Variants in CDH13 observed in about 807,000 individuals in gnomAD.
The protein encoded by CDH13 is cadherin 13, also known as cadherin-13.
A neutral mutation model predicts 63.8 loss-of-function variants in CDH13; 24 were observed. That is an observed-to-expected ratio of 0.38 (90% confidence interval 0.27 to 0.53). The LOEUF (loss-of-function observed/expected upper bound fraction) is 0.53. Ranked by LOEUF, CDH13 falls within the 20% of genes least tolerant of loss-of-function variation. The pLI, the probability that CDH13 is intolerant of heterozygous loss-of-function variation, is 0.85. For synonymous variants in CDH13, 503 were observed against 355.3 expected, an observed-to-expected ratio of 1.42 and a Z score of -4.67; for missense variants, 1,049 against 903.1, an observed-to-expected ratio of 1.16 and a Z score of -2.07.
intron 6 of CDH13, among the ~76,000 whole-genome samples, chr16:83,392,024 C>T (rs2091797195): frequency 6.6e-6 from 1 of 152,164 alleles, no homozygotes; most frequent in African/African-American, 2.4e-5. Context: ...GGGTGTCTAA[C>T]ACCTAATTGT....
chr16:83,178,596 T>C (rs1484610056), intron 4 of CDH13, among the ~76,000 whole-genome samples: 1 of 152,254 alleles, frequency 6.6e-6, no homozygotes, highest in East Asian at 1.9e-4. Flanking sequence ...TTTCCATTTT[T>C]AAAAATGATC....
chr16:83,404,545 T>A (rs935966072), intron 6 of CDH13, among the ~76,000 whole-genome samples: 4 of 152,250 alleles, frequency 2.6e-5, no homozygotes, highest in Non-Finnish European at 4.4e-5. Flanking sequence ...TATTGCTGTA[T>A]TGAATGTATC....
intron 1 of CDH13, among the ~76,000 whole-genome samples, chr16:82,793,928 G>C (rs1363731571): frequency 6.6e-6 from 1 of 152,160 alleles, no homozygotes; most frequent in East Asian, 1.9e-4. Flanking sequence ...AAGTGAGACA[G>C]TGGATCAGGA....
At chr16:83,247,290 T>C (rs1175836497) in intron 5 of CDH13, among the ~76,000 whole-genome samples, 1 of 152,152 alleles carries the variant, frequency 6.6e-6, no homozygotes, top group African/African-American at 2.4e-5. Flanking sequence ...GCACCAGACA[T>C]AATTTACATG....
chr16:83,692,663 T>C (rs778929667), intron 10 of CDH13, among the ~76,000 whole-genome samples: 6 of 152,214 alleles, frequency 3.9e-5, no homozygotes, highest in Non-Finnish European at 5.9e-5. Context: ...GTTTTCCTTA[T>C]GGAAGCAAAG....
intron 6 of CDH13, among the ~76,000 whole-genome samples, chr16:83,470,258 T>C (rs2073420825): frequency 1.3e-5 from 2 of 152,212 alleles, no homozygotes; most frequent in Admixed American, 6.5e-5. Context: ...TGTCTCACCA[T>C]GTTGCCCAGG....
chr16:83,276,890 A>G (rs935084745), intron 5 of CDH13, among the ~76,000 whole-genome samples: 3 of 152,120 alleles, frequency 2.0e-5, no homozygotes, highest in Non-Finnish European at 4.4e-5. Flanking sequence ...AAACAAAAGC[A>G]TGTCACATCT....
chr16:83,352,997 C>T (rs2090987276), intron 6 of CDH13, among the ~76,000 whole-genome samples: 1 of 152,184 alleles, frequency 6.6e-6, no homozygotes, highest in Non-Finnish European at 1.5e-5. Context: ...CATGCTCTCA[C>T]TTATAAGTCA....
At position 82,627,004 on chromosome 16, in the gene CDH13, C is replaced by G. The variant is rs1907347168; in HGVS notation, c.-89C>G. The G allele has an allele frequency of 2.1e-6, 3 of 1,455,964 alleles. No individual in the cohort carries two copies. Among genetic ancestry groups the G allele is most frequent in the Non-Finnish European group, 2.8e-6 (3 of 1,059,818 alleles). 90.2% of individuals were successfully genotyped at this position (1,455,964 alleles called of 1,614,324 possible). On this transcript the variant is annotated 5_prime_UTR_variant, in exon 1 of 14. Transcript: ENST00000567109. The stretch of plus-strand genomic sequence containing the variant: ...TTGGCTGGCTGGCGAGGCAGAGCCT[C>G]TCCTCAAAGCCTGGCTCCCACGGAA...
chr16:82,691,848 C>T lies in CDH13; in HGVS notation c.45+64711C>T, dbSNP rs554024557. On this transcript the variant is annotated intron_variant, in intron 1 of 13. Coordinates refer to ENST00000567109, the MANE Select transcript of CDH13 (RefSeq NM_001257.5). ...GATGCTGGACTAGCAGCAGCAATAT[C>T]ACCTGAGAACTTGCTGGAAATGCAA... is the stretch of plus-strand genomic sequence containing the variant. Among the ~76,000 whole-genome samples the T allele has an allele frequency of 5.1e-4, 77 of 152,138 alleles. 1 individual carries two copies. Among genetic ancestry groups the T allele is most frequent in the Non-Finnish European group, 9.1e-4 (62 of 68,026 alleles).
chr16:83,324,287 G>A (rs534175806), intron 5 of CDH13, among the ~76,000 whole-genome samples: 23 of 152,058 alleles, frequency 1.5e-4, no homozygotes, highest in Non-Finnish European at 1.9e-4. Context: ...CACCCGCCTC[G>A]GCCTTGCAAA....
intron 4 of CDH13, among the ~76,000 whole-genome samples, chr16:83,174,705 G>A (rs1020062865): frequency 6.6e-6 from 1 of 152,032 alleles, no homozygotes. Flanking sequence ...AGACATACCT[G>A]AGATTAGGTA....
At chr16:82,943,496 G>T (rs770279898) in intron 2 of CDH13, among the ~76,000 whole-genome samples, 4 of 152,082 alleles carry the variant, frequency 2.6e-5, no homozygotes, top group Non-Finnish European at 5.9e-5. Flanking sequence ...GTGATTATTC[G>T]CATAAGACCC....
intron 3 of CDH13, among the ~76,000 whole-genome samples, chr16:83,119,223 C>A (rs1222686591): frequency 1.3e-5 from 2 of 152,160 alleles, no homozygotes; most frequent in African/African-American, 4.8e-5. Context: ...CTTTCTGTGG[C>A]CTTTGCTGAA....
At chr16:82,651,821 C>T (rs1177064816) in intron 1 of CDH13, among the ~76,000 whole-genome samples, 1 of 152,196 alleles carries the variant, frequency 6.6e-6, no homozygotes, top group African/African-American at 2.4e-5. Context: ...TCCAGTGGGA[C>T]AGCAAGAAGG....
intron 5 of CDH13, among the ~76,000 whole-genome samples, chr16:83,318,571 C>G (rs1172121945): frequency 6.6e-6 from 1 of 152,122 alleles, no homozygotes; most frequent in Non-Finnish European, 1.5e-5. Context: ...CAAAATTGGC[C>G]TAGGACATCT....
At chr16:82,659,396 G>A (rs758121451) in intron 1 of CDH13, among the ~76,000 whole-genome samples, 2 of 152,180 alleles carry the variant, frequency 1.3e-5, no homozygotes, top group South Asian at 2.1e-4. Flanking sequence ...GCAAGGCTAC[G>A]GAAGCACGGG....
At chr16:83,022,513 T>TAAAA (rs1327600445) in intron 2 of CDH13, among the ~76,000 whole-genome samples, 1 of 152,126 alleles carries the variant, frequency 6.6e-6, no homozygotes, top group African/African-American at 2.4e-5. Flanking sequence ...GTAGAGCATT[T>TAAAA]AAACCACAGA....
chr16:83,086,252 G>C lies in CDH13; in HGVS notation c.367-39133G>C, dbSNP rs377578280. 9.2e-5 allele frequency among the ~76,000 whole-genome samples: 14 copies of C among 152,292 alleles called. 1 individual carries two copies. The East Asian group carries it at 1.9e-3, about 21-fold the overall frequency. On this transcript the variant is annotated intron_variant, in intron 3 of 13. Coordinates refer to ENST00000567109, the MANE Select transcript of CDH13 (RefSeq NM_001257.5). Reference sequence around the variant, plus strand: ...CAAAACAGTCAAGACATTTCCCCAAGCAAACTCAGAAAAATATTAAGCCTA... The same window carrying C: ...CAAAACAGTCAAGACATTTCCCCAACCAAACTCAGAAAAATATTAAGCCTA...
Sources: allele counts gnomAD v4.1 joint callset (sites outside exome capture counted in the v4.1 genomes callset), GRCh38; gene constraint gnomAD v4.1.1; transcripts MANE v1.5; gene names NCBI Gene and HGNC (gene_info 2026-07-23, HGNC 2026-07-21).